The following A2ML1 variants were observed in gnomAD, a reference collection of about 807,000 sequenced individuals.
The protein encoded by A2ML1 is alpha-2-macroglobulin-like protein 1.
Under a neutral mutation model 181.9 loss-of-function variants are expected in A2ML1, and 161 were observed. The observed-to-expected ratio is 0.89, with a 90% confidence interval of 0.78 to 1.01. A2ML1 has a LOEUF of 1.01. A2ML1 is among the 50% of genes least tolerant of loss of function. The pLI is 0.00. For missense variants in A2ML1, 1,670 were observed against 1,768.1 expected, an observed-to-expected ratio of 0.94 and a Z score of 1.00; for synonymous variants, 663 against 666.8, an observed-to-expected ratio of 0.99 and a Z score of 0.09.
chr12:8,834,246 G>T (rs1433509883), intron 4 of A2ML1, among the ~76,000 whole-genome samples: 1 of 152,140 alleles, frequency 6.6e-6, no homozygotes, highest in African/African-American at 2.4e-5. Context: ...CTGCCCACAA[G>T]CATTCAGATG....
chr12:8,835,172 A>T (rs1166994119), intron 5 of A2ML1, among the ~76,000 whole-genome samples: 1 of 152,220 alleles, frequency 6.6e-6, no homozygotes, highest in African/African-American at 2.4e-5. Flanking sequence ...TTGTCCCCTA[A>T]TAGTGACCAG....
At position 8,854,820 on chromosome 12, in the gene A2ML1, T is replaced by G. The variant is rs1944005705; in HGVS notation, c.2753T>G (p.Leu918Arg). The change falls in exon 22 of 36, where the codon CTG becomes CGG. Residue 918 changes from leucine to arginine, a missense_variant. By Grantham distance (102) the Leu-to-Arg change is moderately radical. Transcript: ENST00000299698. The stretch of plus-strand genomic sequence containing the variant: ...GTGGAGAAGACACACAGCTCATTGC[T>G]GTGCCCAAAAGGTGGGTGGACTCAG... Reference protein sequence around the residue: ...VLVEKTHSSLLCPKGKVASES... With the variant: ...VLVEKTHSSLRCPKGKVASES... The G allele has an allele frequency of 6.2e-7, 1 of 1,613,992 alleles. No individual in the cohort carries two copies. Among genetic ancestry groups the G allele is most frequent in the Non-Finnish European group, 8.5e-7 (1 of 1,180,012 alleles).
At chr12:8,832,267 C>T (rs1235837433) in intron 4 of A2ML1, among the ~76,000 whole-genome samples, 3 of 152,100 alleles carry the variant, frequency 2.0e-5, no homozygotes, top group African/African-American at 2.4e-5. Context: ...ACATCTCAGG[C>T]GCTGATCTTG....
chr12:8,829,783 A>G lies in A2ML1; in HGVS notation c.462+4A>G, dbSNP rs780870856. On this transcript the variant is annotated splice_donor_region_variant and intron_variant, in intron 4 of 35. Transcript: ENST00000299698. ...CTTCGTTCCAGTGAATGACAAGGTG[A>G]GTTGGGAGGAGGAGAAGGAGTGGCG... 1.2e-6 allele frequency: 2 copies of G among 1,613,538 alleles called. No homozygotes were observed. Among genetic ancestry groups the G allele is most frequent in the Non-Finnish European group, 8.5e-7 (1 of 1,179,908 alleles).
At chr12:8,857,919 G>A (rs1346067271) in intron 25 of A2ML1, 27 bp from the exon 26 acceptor site, 1 of 1,608,024 alleles carries the variant, frequency 6.2e-7, no homozygotes, top group Non-Finnish European at 8.5e-7. Context: ...TCCTCTTCAT[G>A]CCATATTTTC....
At chr12:8,868,416 G>A (rs1944499570) in intron 31 of A2ML1, 59 bp downstream of exon 31, 1 of 1,601,906 alleles carries the variant, frequency 6.2e-7, no homozygotes, top group African/African-American at 1.4e-5. Flanking sequence ...AGCTGAGCTG[G>A]GACACTTGTG....
chr12:8,867,806 C>G, intron 29 of A2ML1, 36 bp from the exon 30 acceptor site: 7 of 1,585,820 alleles, frequency 4.4e-6, no homozygotes, highest in Non-Finnish European at 6.1e-6. Flanking sequence ...CAATGGCTCA[C>G]AAAATGGTAA....
rs1036875344 is a variant in A2ML1 at position 8,823,222 on chromosome 12, T to A, written c.103T>A (p.Ser35Thr). The A allele has an allele frequency of 2.5e-6, 4 of 1,614,040 alleles. No homozygotes were observed. The highest frequency in any genetic ancestry group is 3.4e-6 in the Non-Finnish European group (4 of 1,180,012). The change falls in exon 2 of 36, where the codon TCC (serine) becomes ACC (threonine). Residue 35 changes from serine (S) to threonine (T), a missense_variant. Coordinates refer to ENST00000299698, the MANE Select transcript of A2ML1 (RefSeq NM_144670.6). ...ATTACCAGCCCGGCTAAATTTCCCC[T>A]CCGTTCAGAAGGTTTGTTTGGACCT... ...VTLPARLNFP[S>T]VQKVCLDLSP...
rs1452555358 is a variant in A2ML1, at chr12:8,834,725, G to A, written c.483+43G>A. 2.5e-6 allele frequency: 4 copies of A among 1,612,510 alleles called. No individual in the cohort carries two copies. The East Asian group carries it at 6.7e-5, about 27-fold the overall frequency. On this transcript the variant is annotated intron_variant, in intron 5 of 35. Transcript: ENST00000299698. ...TCTCTTCTCTGTCAGTTGTGGAAGA[G>A]GAAGAATGAGAATTTGGTGGTACAC...
intron 4 of A2ML1, among the ~76,000 whole-genome samples, chr12:8,833,863 T>C (rs1227232204): frequency 6.6e-6 from 1 of 152,186 alleles, no homozygotes; most frequent in African/African-American, 2.4e-5. Flanking sequence ...ATTGCCATTA[T>C]CCCTACTATC....
chr12:8,863,573 A>G (rs1008195872), intron 28 of A2ML1, among the ~76,000 whole-genome samples: 17 of 152,246 alleles, frequency 1.1e-4, no homozygotes, highest in African/African-American at 4.1e-4. Context: ...TGCTGGAGGC[A>G]GGAACATTTA....
intron 11 of A2ML1, among the ~76,000 whole-genome samples, chr12:8,842,345 A>T (rs2136808932): frequency 6.6e-6 from 1 of 151,600 alleles, no homozygotes; most frequent in Non-Finnish European, 1.5e-5. Flanking sequence ...AGCCTCCCCG[A>T]GTAGCTGGGA....
At chr12:8,847,834 A>G in intron 15 of A2ML1, 136 bp downstream of exon 15, 1 of 1,226,040 alleles carries the variant, frequency 8.2e-7, no homozygotes. Context: ...GCTGGTGTGA[A>G]AATGAAGTTA....
chr12:8,830,411 C>T (rs56009140), intron 4 of A2ML1, among the ~76,000 whole-genome samples: 3,948 of 58,748 alleles, frequency 0.067, 100 homozygotes, highest in African/African-American at 0.11. Flanking sequence ...CTGACAAAAG[C>T]ATTTTTTTTT....
rs77951907 is a variant in A2ML1 at position 8,848,600 on chromosome 12, T to C, written c.1834-120T>C. ...TATGACAGAATGAATATAAAAATAA[T>C]TCTGAAGTAATAAAGAGAAATGATA... is the stretch of plus-strand genomic sequence containing the variant. On this transcript the variant is annotated intron_variant, in intron 15 of 35. Transcript: ENST00000299698. 2,343 of 748,098 alleles carry C rather than the reference T, an allele frequency of 3.1e-3. 46 individuals carry two copies. The African/African-American group carries it at 0.038, about 12-fold the overall frequency. 46.3% of individuals were successfully genotyped at this position (748,098 alleles called of 1,614,324 possible).
downstream of A2ML1, among the ~76,000 whole-genome samples, chr12:8,879,122 G>T (rs1944844194): frequency 1.3e-5 from 2 of 152,106 alleles, no homozygotes; most frequent in African/African-American, 4.8e-5. Context: ...GCAGATGGGG[G>T]AAGATATGCA....
intron 34 of A2ML1, 117 bp downstream of exon 34, chr12:8,874,644 T>C: frequency 1.3e-6 from 1 of 760,528 alleles, no homozygotes; most frequent in East Asian, 2.7e-5. Flanking sequence ...CCAAGCCAAG[T>C]AGCACATAAT....
Position 8,837,359 on chromosome 12 carries a change from G to T in A2ML1, c.729-81G>T, listed in dbSNP as rs1943316874. 4 of 1,565,338 alleles carry T rather than the reference G, an allele frequency of 2.6e-6. No individual in the cohort carries two copies. The South Asian group carries it at 4.5e-5, about 17-fold the overall frequency. ...TTCTTTCAGAGGCTGGAGTGTGAGA[G>T]GGAAGAAGTGGTGTTTGAGGGAAGA... On this transcript the variant is annotated intron_variant, in intron 7 of 35. Coordinates refer to ENST00000299698, the MANE Select transcript of A2ML1 (RefSeq NM_144670.6).
intron 29 of A2ML1, among the ~76,000 whole-genome samples, chr12:8,866,825 A>T (rs892789183): frequency 6.6e-5 from 10 of 152,002 alleles, no homozygotes; most frequent in African/African-American, 2.4e-4. Context: ...CATTTGTGAG[A>T]TGAAGAAATC....
Sources: allele counts gnomAD v4.1 joint callset (sites outside exome capture counted in the v4.1 genomes callset), GRCh38; gene constraint gnomAD v4.1.1; transcripts MANE v1.5; gene names NCBI Gene and HGNC (gene_info 2026-07-23, HGNC 2026-07-21).